Variants in CSMD2 observed in about 807,000 individuals in gnomAD.
CSMD2 encodes CUB and Sushi multiple domains 2.
A neutral mutation model predicts 398.5 loss-of-function variants in CSMD2; 130 were observed. The ratio of observed to expected loss-of-function variants is 0.33; its 90% CI spans 0.28 to 0.38. The LOEUF (loss-of-function observed/expected upper bound fraction) is 0.38, where lower values mean the gene tolerates loss of function less well. Among genes scored for constraint, CSMD2 ranks in the 10% least tolerant of loss-of-function variants. The pLI is 1.00. For missense variants in CSMD2, 3,829 were observed against 4,764.9 expected (o/e 0.80, Z 5.78); for synonymous variants, 1,828 against 1,908.5 (o/e 0.96, Z 1.10).
rs1645146730 is a variant in CSMD2, at chr1:33,689,036, G to C, written c.4052+3894C>G. Among the ~76,000 whole-genome samples the C allele has an allele frequency of 2.6e-5, 4 of 151,012 alleles. 1 individual carries two copies. Among genetic ancestry groups the C allele is most frequent in the Admixed American group, 2.6e-4 (4 of 15,128 alleles). On this transcript the variant is annotated intron_variant, in intron 25 of 70. Transcript: ENST00000373381. ...CGGAGGGAGAGGAGAAAAAGAGAGA[G>C]AGGGAGGGAAGGAGAGGAAGAGAGG...
intron 10 of CSMD2, among the ~76,000 whole-genome samples, chr1:33,799,031 C>G (rs1655289151): frequency 6.6e-6 from 1 of 152,228 alleles, no homozygotes; most frequent in Non-Finnish European, 1.5e-5. Context: ...ACTGGGCTGT[C>G]TGTCTCTGCA....
intron 3 of CSMD2, among the ~76,000 whole-genome samples, chr1:33,946,277 G>A (rs529340738): frequency 1.3e-5 from 2 of 152,340 alleles, no homozygotes; most frequent in Admixed American, 6.5e-5. Flanking sequence ...TTTGGGAGGT[G>A]TTGGATTCTG....
chr1:33,561,068 C>T (rs1225342870), intron 53 of CSMD2, among the ~76,000 whole-genome samples: 1 of 152,216 alleles, frequency 6.6e-6, no homozygotes, highest in Non-Finnish European at 1.5e-5. Flanking sequence ...GGGATGTTCT[C>T]TTTGTCCAAT....
rs112492712 is a variant in CSMD2 at position 33,711,460 on chromosome 1, T to C, written c.3407-2202A>G. Among the ~76,000 whole-genome samples the C allele has an allele frequency of 1.2e-3, 185 of 152,272 alleles. 1 individual carries two copies. Among genetic ancestry groups the C allele is most frequent in the African/African-American group, 4.0e-3 (168 of 41,546 alleles). On this transcript the variant is annotated intron_variant, in intron 21 of 70. Transcript: ENST00000373381. ...AAGACTGTAGAATCAACGCATGAGA[T>C]TTTATATATAAGATAGGTAAACATA...
chr1:33,775,449 G>C (rs1651849261), intron 12 of CSMD2, among the ~76,000 whole-genome samples: 1 of 152,088 alleles, frequency 6.6e-6, no homozygotes. Flanking sequence ...GTGCCCATGA[G>C]TGCCCTGCTC....
intron 19 of CSMD2, among the ~76,000 whole-genome samples, chr1:33,722,944 C>T (rs1311410252): frequency 6.6e-6 from 1 of 152,054 alleles, no homozygotes. Flanking sequence ...ATGGTTCAAC[C>T]CACTGTTTTA....
At chr1:33,679,919 C>CTTT (rs11415719) in intron 25 of CSMD2, among the ~76,000 whole-genome samples, 2 of 144,084 alleles carry the variant, frequency 1.4e-5, no homozygotes, top group Non-Finnish European at 3.0e-5. Flanking sequence ...TTGAATTTTA[C>CTTT]TTTTTTTTTT....
At chr1:33,976,203 G>T (rs1378628156) in intron 3 of CSMD2, among the ~76,000 whole-genome samples, 1 of 152,186 alleles carries the variant, frequency 6.6e-6, no homozygotes, top group African/African-American at 2.4e-5. Context: ...GACACAGAAG[G>T]GGAGCTCATC....
At chr1:33,842,583 T>C (rs914996101) in intron 6 of CSMD2, among the ~76,000 whole-genome samples, 2 of 152,108 alleles carry the variant, frequency 1.3e-5, no homozygotes, top group African/African-American at 4.8e-5. Flanking sequence ...TGATAGTAAA[T>C]ATATTAGGCC....
At chr1:33,578,916 C>A (rs531460424) in intron 48 of CSMD2, among the ~76,000 whole-genome samples, 2 of 152,326 alleles carry the variant, frequency 1.3e-5, no homozygotes, top group African/African-American at 4.8e-5. Context: ...CTGCTTTGCC[C>A]GCTGTGTCCT....
At chr1:33,919,561 C>T (rs1310284397) in intron 4 of CSMD2, among the ~76,000 whole-genome samples, 1 of 152,206 alleles carries the variant, frequency 6.6e-6, no homozygotes, top group African/African-American at 2.4e-5. Context: ...CCTACTCTCC[C>T]AGAGTAGGTG....
In CSMD2 at chr1:33,602,454, G is replaced by T; in HGVS notation, c.6625C>A (p.Leu2209Met). 1 of 1,614,014 alleles carries T rather than the reference G, an allele frequency of 6.2e-7. No individual in the cohort carries two copies. The highest frequency in any genetic ancestry group is 1.3e-5 in the African/African-American group (1 of 75,056). ...PYSSSQDCVW[L>M]ITVPIGHGVR... is the part of the protein sequence containing the mutation. ...CCATGGCCAATGGGCACGGTGATCA[G>T]CCAGACACAGTCCTGGGAGCTGGAG... Residue 2209 changes from leucine (L) to methionine (M), a missense_variant, in exon 43 of 71, where the codon CTG becomes ATG. By Grantham distance (15) the Leu-to-Met change is conservative. This residue lies in a region of CSMD2 where 723 missense variants were observed against 758.6 expected (regional missense o/e 0.95). Transcript: ENST00000373381.
At chr1:34,148,871 T>C (rs925560859) in intron 1 of CSMD2, among the ~76,000 whole-genome samples, 1 of 152,162 alleles carries the variant, frequency 6.6e-6, no homozygotes, top group Admixed American at 6.5e-5. Flanking sequence ...CTTGTTAAAA[T>C]TTAGGTGCAG....
At chr1:33,668,590 T>C (rs1264723278) in intron 25 of CSMD2, among the ~76,000 whole-genome samples, 1 of 152,206 alleles carries the variant, frequency 6.6e-6, no homozygotes, top group Non-Finnish European at 1.5e-5. Context: ...CCATTGTGGT[T>C]TGTGTGAGCA....
At chr1:33,719,800 C>T (rs1370690357) in intron 19 of CSMD2, among the ~76,000 whole-genome samples, 2 of 152,156 alleles carry the variant, frequency 1.3e-5, no homozygotes, top group East Asian at 1.9e-4. Flanking sequence ...CATTTACCCC[C>T]GAAGTGAGTC....
intron 7 of CSMD2, among the ~76,000 whole-genome samples, chr1:33,820,950 C>T (rs1222584557): frequency 6.6e-6 from 1 of 152,118 alleles, no homozygotes; most frequent in Non-Finnish European, 1.5e-5. Context: ...AATGAGCCCC[C>T]CACCTCAGCC....
chr1:33,556,416 A>G (rs1481043881), intron 55 of CSMD2, among the ~76,000 whole-genome samples: 2 of 152,214 alleles, frequency 1.3e-5, no homozygotes, highest in Admixed American at 6.5e-5. Context: ...TCCAGACTGG[A>G]GGGCCTACAA....
intron 44 of CSMD2, chr1:33,600,563 A>G (rs1640146152): frequency 1.9e-6 from 1 of 533,480 alleles, no homozygotes; most frequent in Admixed American, 3.3e-5. Flanking sequence ...GCACAGGTAT[A>G]GGGATGATCC....
chr1:34,121,823 A>G (rs1662214637), intron 1 of CSMD2, among the ~76,000 whole-genome samples: 1 of 152,074 alleles, frequency 6.6e-6, no homozygotes, highest in African/African-American at 2.4e-5. Context: ...TGGACCCTGT[A>G]GGCCTTCTTT....
Sources: gnomAD v4.1 joint callset for allele counts (sites outside exome capture counted in the v4.1 genomes callset) on GRCh38, gnomAD v4.1.1 for gene constraint, gnomAD v4.1.1 regional missense constraint, MANE v1.5 for transcripts, NCBI Gene and HGNC (gene_info 2026-07-23, HGNC 2026-07-21) for gene names.